MED13L: variants seen among roughly 807,000 people sequenced by gnomAD.
MED13L encodes mediator of RNA polymerase II transcription subunit 13-like.
In MED13L, 7 loss-of-function variants were observed where a neutral mutation model predicts 220.9. The ratio of observed to expected loss-of-function variants is 0.03; its 90% CI spans 0.02 to 0.06. The LOEUF (loss-of-function observed/expected upper bound fraction) is 0.06. MED13L is among the 10% of genes least tolerant of loss of function. The probability of loss-of-function intolerance (pLI) is 1.00; values close to 1 mark genes in which losing one functional copy is unlikely to be tolerated. For synonymous variants in MED13L, 1,011 were observed against 1,015.2 expected (o/e 1.00, Z 0.08); for missense variants, 1,965 against 2,760.5 (o/e 0.71, Z 6.46).
At chr12:116,013,758 G>T (rs1009366681) in intron 8 of MED13L, among the ~76,000 whole-genome samples, 6 of 152,168 alleles carry the variant, frequency 3.9e-5, no homozygotes, top group African/African-American at 1.4e-4. Context: ...TTTTTGGATT[G>T]CTGATTTTGC....
At chr12:116,220,075 T>C (rs1883222181) in intron 2 of MED13L, among the ~76,000 whole-genome samples, 1 of 151,962 alleles carries the variant, frequency 6.6e-6, no homozygotes, top group Non-Finnish European at 1.5e-5. Flanking sequence ...GGATTACAGG[T>C]GTGAGCCACC....
At chr12:116,210,507 T>C (rs1346329215) in intron 2 of MED13L, among the ~76,000 whole-genome samples, 2 of 142,384 alleles carry the variant, frequency 1.4e-5, no homozygotes, top group South Asian at 2.2e-4. Flanking sequence ...TCCCTAAAAC[T>C]TGAAAGAAAA....
At chr12:116,198,121 T>C (rs1881759766) in intron 2 of MED13L, among the ~76,000 whole-genome samples, 1 of 152,132 alleles carries the variant, frequency 6.6e-6, no homozygotes, top group Admixed American at 6.5e-5. Context: ...AAGAACCCAA[T>C]AATTTTTACT....
At chr12:116,173,665 A>T (rs1261407376) in intron 2 of MED13L, among the ~76,000 whole-genome samples, 2 of 152,212 alleles carry the variant, frequency 1.3e-5, no homozygotes, top group Non-Finnish European at 2.9e-5. Context: ...CTTACAGAGC[A>T]TGCATTTGCT....
chr12:116,102,739 T>TTG (rs1252419011), intron 3 of MED13L, among the ~76,000 whole-genome samples: 13 of 126,482 alleles, frequency 1.0e-4, no homozygotes, highest in African/African-American at 4.0e-4. Context: ...TTTTTTTTTT[T>TTG]GATACGGAGT....
Position 116,008,409 on chromosome 12 carries a change from T to G in MED13L, c.2004A>C (p.Ala668=). The G allele has an allele frequency of 3.7e-6, 6 of 1,609,892 alleles. No individual in the cohort carries two copies. The highest frequency in any genetic ancestry group is 5.1e-6 in the Non-Finnish European group (6 of 1,178,588). ...GCAGAGAGCTGTCTTACCTTTGCAATGCAGTGCTCTCTGAGTTTACCTCCA... is the reference window on the plus strand; with the variant it reads ...GCAGAGAGCTGTCTTACCTTTGCAAGGCAGTGCTCTCTGAGTTTACCTCCA... ...AKMEVNSEST[A]LQRLLAQPNK... The change falls in exon 10 of 31, where the codon GCA becomes GCC. Residue 668 remains alanine, a synonymous_variant. Transcript: ENST00000281928.
intron 1 of MED13L, among the ~76,000 whole-genome samples, chr12:116,238,885 A>G (rs561743308): frequency 2.0e-5 from 3 of 152,216 alleles, no homozygotes; most frequent in Non-Finnish European, 4.4e-5. Context: ...TCATGAGGTC[A>G]GGAGTTCGAG....
chr12:116,001,150 GCTTCC>G (rs1214028833), intron 14 of MED13L, among the ~76,000 whole-genome samples: 27 of 152,002 alleles, frequency 1.8e-4, no homozygotes, highest in African/African-American at 1.9e-4. Flanking sequence ...CTCATTTGTG[GCTTCC>G]CTTGTGTTTC....
chr12:116,038,829 G>A (rs938519822), intron 4 of MED13L, among the ~76,000 whole-genome samples: 1 of 146,470 alleles, frequency 6.8e-6, no homozygotes, highest in African/African-American at 2.5e-5. Context: ...CTTATAGAAC[G>A]TTATTTCCCC....
At chr12:116,122,409 T>C (rs145659888) in intron 2 of MED13L, among the ~76,000 whole-genome samples, 50 of 152,340 alleles carry the variant, frequency 3.3e-4, no homozygotes, top group African/African-American at 1.2e-3. Flanking sequence ...GTAGAATCTA[T>C]ATTTGAAGTC....
At chr12:116,179,009 T>G (rs1005518145) in intron 2 of MED13L, among the ~76,000 whole-genome samples, 4 of 152,200 alleles carry the variant, frequency 2.6e-5, no homozygotes, top group African/African-American at 9.7e-5. Flanking sequence ...TCTAATTTTC[T>G]CCACTGAAGC....
At chr12:116,167,230 T>A (rs140520908) in intron 2 of MED13L, among the ~76,000 whole-genome samples, 6 of 152,212 alleles carry the variant, frequency 3.9e-5, no homozygotes, top group Non-Finnish European at 8.8e-5. Flanking sequence ...ATTGTTACAA[T>A]AAAAAGATAC....
intron 12 of MED13L, 72 bp from the exon 13 acceptor site, chr12:116,006,065 G>A (rs1478704975): frequency 1.1e-5 from 17 of 1,585,230 alleles, no homozygotes; most frequent in Non-Finnish European, 1.5e-5. Context: ...AGAGGACACG[G>A]ATCTCAATGA....
intron 3 of MED13L, among the ~76,000 whole-genome samples, chr12:116,105,413 C>T (rs1873477091): frequency 6.6e-6 from 1 of 151,876 alleles, no homozygotes; most frequent in Non-Finnish European, 1.5e-5. Flanking sequence ...GTGCATTTTT[C>T]CAACAAAAAA....
chr12:116,174,743 G>A (rs868008119), intron 2 of MED13L: 1 of 152,170 alleles, frequency 6.6e-6, no homozygotes, highest in Non-Finnish European at 1.5e-5. Context: ...TATCATGTAA[G>A]ATAAAATACA....
chr12:116,048,929 A>G (rs1881994726), intron 4 of MED13L, among the ~76,000 whole-genome samples: 1 of 152,180 alleles, frequency 6.6e-6, no homozygotes, highest in Non-Finnish European at 1.5e-5. Context: ...TAATGTCTCA[A>G]TATCAGATCC....
At chr12:115,963,611 CAA>C in intron 29 of MED13L, 92 bp from the exon 30 acceptor site, 1 of 932,516 alleles carries the variant, frequency 1.1e-6, no homozygotes, top group Non-Finnish European at 1.7e-6. Context: ...CAGATGCTCC[CAA>C]AAGTCCGTAG....
chr12:116,100,363 C>A (rs748973980), intron 3 of MED13L, among the ~76,000 whole-genome samples: 4 of 151,858 alleles, frequency 2.6e-5, no homozygotes, highest in Non-Finnish European at 5.9e-5. Context: ...CTTTGGGAGG[C>A]CGAGATGGGT....
intron 4 of MED13L, among the ~76,000 whole-genome samples, chr12:116,076,356 G>A (rs1330493088): frequency 1.3e-5 from 2 of 152,012 alleles, no homozygotes; most frequent in Admixed American, 6.5e-5. Flanking sequence ...GGACAACATA[G>A]TAGGACTCTA....
Sources: allele counts gnomAD v4.1 joint callset (sites outside exome capture counted in the v4.1 genomes callset), GRCh38; gene constraint gnomAD v4.1.1; transcripts MANE v1.5; gene names NCBI Gene and HGNC (gene_info 2026-07-23, HGNC 2026-07-21).